PRDX6: variants seen among roughly 807,000 people sequenced by gnomAD.
PRDX6 encodes peroxiredoxin 6.
Under a neutral mutation model 20.0 loss-of-function variants are expected in PRDX6, and 13 were observed. The observed-to-expected ratio is 0.65, with a 90% confidence interval of 0.42 to 1.03. The LOEUF is 1.03. Among genes scored for constraint, PRDX6 ranks in the 50% least tolerant of loss-of-function variants. The pLI is 0.00. For synonymous variants in PRDX6, 85 were observed against 100.8 expected (o/e 0.84, Z 0.94); for missense variants, 203 against 276.9 (o/e 0.73, Z 1.89).
chr1:173,488,665 A>G lies in PRDX6; in HGVS notation c.*802A>G, dbSNP rs1217279772. ...GCATTTATCAGTCTGTTTTCCGATG[A>G]TGTGTACATGAAAGAGTACACCATG... On this transcript the variant is annotated 3_prime_UTR_variant, in exon 5 of 5. Coordinates refer to ENST00000340385, the MANE Select transcript of PRDX6 (RefSeq NM_004905.3). 6.6e-6 allele frequency: 1 copy of G among 152,230 alleles called. No homozygotes were observed. Among genetic ancestry groups the G allele is most frequent in the African/African-American group, 2.4e-5 (1 of 41,472 alleles). The allele number at this position is 152,230 out of a possible 1,614,324, so 9.4% of individuals were successfully genotyped here.
intron 3 of PRDX6, among the ~76,000 whole-genome samples, chr1:173,485,929 A>G (rs191738816): frequency 2.3e-4 from 35 of 152,336 alleles, no homozygotes; most frequent in African/African-American, 8.2e-4. Flanking sequence ...CTATTCAAGG[A>G]ACAATATCAA....
At chr1:173,486,500 G>A (rs1407134256) in intron 4 of PRDX6, 99 bp downstream of exon 4, 1 of 1,294,670 alleles carries the variant, frequency 7.7e-7, no homozygotes, top group Non-Finnish European at 1.1e-6. Context: ...TAGCACGCAA[G>A]TACACTGGGA....
chr1:173,477,717 C>G (rs923932969), intron 1 of PRDX6, among the ~76,000 whole-genome samples: 1 of 152,246 alleles, frequency 6.6e-6, no homozygotes. Context: ...GCGGGCCACT[C>G]GATCCCTCCT....
chr1:173,488,110 T>C lies in PRDX6; in HGVS notation c.*247T>C. ...TTCTGTTTGAAATATGTTCTGTATT[T>C]AAAACTCAAATCTTGTTGGATCTCT... On this transcript the variant is annotated 3_prime_UTR_variant, in exon 5 of 5. Transcript: ENST00000340385. 1 of 437,852 alleles carries C rather than the reference T, an allele frequency of 2.3e-6. No individual in the cohort carries two copies. Among genetic ancestry groups the C allele is most frequent in the Non-Finnish European group, 4.1e-6 (1 of 245,164 alleles). The allele number at this position is 437,852 out of a possible 1,614,324, so 27.1% of individuals were successfully genotyped here. A position where few individuals can be genotyped will look rare whatever the true frequency, so the allele number is the denominator to read the frequency against.
intron 1 of PRDX6, 126 bp from the exon 2 acceptor site, chr1:173,481,200 A>G: frequency 1.0e-6 from 1 of 952,964 alleles, no homozygotes. Context: ...TTAAAAGTAA[A>G]TATCATCATA....
intron 1 of PRDX6, 35 bp downstream of exon 1, chr1:173,477,527 G>C (rs924027157): frequency 6.5e-7 from 1 of 1,533,778 alleles, no homozygotes. Flanking sequence ...TCCTGGCCTC[G>C]GTTGCGCCGG....
chr1:173,485,561 C>A, intron 3 of PRDX6, 54 bp downstream of exon 3: 2 of 1,433,564 alleles, frequency 1.4e-6, no homozygotes, highest in South Asian at 1.4e-5. Context: ...GCTGTATGTC[C>A]GTGTAAATGC....
Position 173,477,402 on chromosome 1 carries a change from C to T in PRDX6, c.5C>T (p.Pro2Leu). 1.9e-6 allele frequency: 3 copies of T among 1,607,680 alleles called. No homozygotes were observed. The highest frequency in any genetic ancestry group is 2.5e-6 in the Non-Finnish European group (3 of 1,177,440). MPGGLLLGDVAP... is the reference protein window; with the variant it reads MLGGLLLGDVAP... ...CGCCCCCTCATCACCGTCGCCATGC[C>T]CGGAGGTCTGCTTCTCGGGGACGTG... Residue 2 changes from proline to leucine, a missense_variant, in exon 1 of 5, where the codon CCC becomes CTC. Physicochemically the swap from Pro to Leu is moderately conservative, Grantham distance 98. Coordinates refer to ENST00000340385, the MANE Select transcript of PRDX6 (RefSeq NM_004905.3).
intron 3 of PRDX6, among the ~76,000 whole-genome samples, chr1:173,485,790 T>C (rs1189433774): frequency 6.6e-6 from 1 of 152,234 alleles, no homozygotes; most frequent in African/African-American, 2.4e-5. Context: ...ACTGCTCTCC[T>C]GACCGCCCTG....
chr1:173,479,291 C>G, intron 1 of PRDX6, among the ~76,000 whole-genome samples: 1 of 152,120 alleles, frequency 6.6e-6, no homozygotes, highest in East Asian at 1.9e-4. Context: ...ACAAGTCTGC[C>G]TAGGATCAGG....
At chr1:173,485,068 G>A (rs1310472825) in intron 2 of PRDX6, among the ~76,000 whole-genome samples, 1 of 152,106 alleles carries the variant, frequency 6.6e-6, no homozygotes, top group Non-Finnish European at 1.5e-5. Context: ...CAATTTTAAA[G>A]GGGTTGCTGC....
Position 173,486,388 on chromosome 1 carries a change from C to T in PRDX6, c.533C>T (p.Pro178Leu), listed in dbSNP as rs1217588896. Residue 178 changes from proline to leucine, a missense_variant, in exon 4 of 5, where the codon CCA becomes CTA. Transcript: ENST00000340385. ...ACAGCAGAAAAAAGGGTTGCCACCC[C>T]AGTTGATTGGAAGGTAAAGATGTTT... Reference protein sequence around the residue: ...QLTAEKRVATPVDWKDGDSVM... With the variant: ...QLTAEKRVATLVDWKDGDSVM... 6.2e-7 allele frequency: 1 copy of T among 1,607,094 alleles called. No individual in the cohort carries two copies. Among genetic ancestry groups the T allele is most frequent in the East Asian group, 2.2e-5 (1 of 44,454 alleles).
intron 1 of PRDX6, 28 bp downstream of exon 1, chr1:173,477,520 T>C: frequency 1.9e-6 from 3 of 1,560,248 alleles, no homozygotes; most frequent in Non-Finnish European, 1.7e-6. Flanking sequence ...AGCCCTGTCC[T>C]GGCCTCGGTT....
chr1:173,478,345 C>T lies in PRDX6; in HGVS notation c.95+853C>T, dbSNP rs74495632. On this transcript the variant is annotated intron_variant, in intron 1 of 4. Coordinates refer to ENST00000340385, the MANE Select transcript of PRDX6 (RefSeq NM_004905.3). ...CGTTCCAGGCTCCAGGACACGTGTA[C>T]TCCCCAACTTTGAGACTCTCTTGTT... Among the ~76,000 whole-genome samples, 1,355 of 152,272 alleles carry T rather than the reference C, an allele frequency of 8.9e-3. 18 individuals are homozygous for T. The highest frequency in any genetic ancestry group is 0.03 in the African/African-American group (1,249 of 41,538).
intron 2 of PRDX6, 25 bp downstream of exon 2, chr1:173,481,507 T>G (rs1198209803): frequency 6.2e-7 from 1 of 1,607,558 alleles, no homozygotes; most frequent in Non-Finnish European, 8.5e-7. Flanking sequence ...GCATGTGCTT[T>G]GAGCCTGAGA....
intron 4 of PRDX6, among the ~76,000 whole-genome samples, chr1:173,487,019 G>A (rs1456268456): frequency 6.6e-6 from 1 of 152,076 alleles, no homozygotes. Flanking sequence ...ACTTATTTAT[G>A]TACTTATTGA....
chr1:173,477,500 G>T lies in PRDX6; in HGVS notation c.95+8G>T, dbSNP rs1658716161. 6.3e-7 allele frequency: 1 copy of T among 1,596,054 alleles called. No homozygotes were observed. The highest frequency in any genetic ancestry group is 1.1e-5 in the South Asian group (1 of 89,392). ...CGACTTTCTGGGAGACTCGTAAGTG[G>T]CCACCGCGTAGCCCTGTCCTGGCCT... On this transcript the variant is annotated splice_region_variant and intron_variant, in intron 1 of 4. Transcript: ENST00000340385.
chr1:173,477,875 G>A lies in PRDX6; in HGVS notation c.95+383G>A, dbSNP rs35794739. 8.2e-3 allele frequency among the ~76,000 whole-genome samples: 1,246 copies of A among 152,330 alleles called. 74 individuals are homozygous for A. The highest frequency in any genetic ancestry group is 0.077 in the Admixed American group (1,171 of 15,298). On this transcript the variant is annotated intron_variant, in intron 1 of 4. Transcript: ENST00000340385. ...CTCGTCTTAGTAAACTGTGCAGGTAGCGTGGTCAGGCCGAGGGCGCAGGGG... is the reference window on the plus strand; with the variant it reads ...CTCGTCTTAGTAAACTGTGCAGGTAACGTGGTCAGGCCGAGGGCGCAGGGG...
chr1:173,481,512 C>T, intron 2 of PRDX6, 30 bp downstream of exon 2: 1 of 1,603,510 alleles, frequency 6.2e-7, no homozygotes, highest in East Asian at 2.2e-5. Flanking sequence ...TGCTTTGAGC[C>T]TGAGATTATA....
Sources: allele counts gnomAD v4.1 joint callset (sites outside exome capture counted in the v4.1 genomes callset), GRCh38; gene constraint gnomAD v4.1.1; transcripts MANE v1.5; gene names NCBI Gene and HGNC (gene_info 2026-07-23, HGNC 2026-07-21).